PID1: variants seen among roughly 807,000 people sequenced by gnomAD.
PID1 encodes the protein PTB-containing, cubilin and LRP1-interacting protein.
PID1 carries 10 observed loss-of-function variants against 19.1 expected under a neutral mutation model. The ratio of observed to expected loss-of-function variants is 0.52; its 90% CI spans 0.32 to 0.89. The LOEUF (loss-of-function observed/expected upper bound fraction) is 0.89. PID1 is among the 40% of genes least tolerant of loss of function. The pLI is 0.03. For synonymous variants in PID1, 130 were observed against 116.0 expected, an observed-to-expected ratio of 1.12 and a Z score of -0.78; for missense variants, 248 against 285.3, an observed-to-expected ratio of 0.87 and a Z score of 0.94.
chr2:229,053,895 A>C (rs992879038), intron 2 of PID1, among the ~76,000 whole-genome samples: 4 of 152,222 alleles, frequency 2.6e-5, no homozygotes, highest in African/African-American at 9.6e-5. Flanking sequence ...GGCAGGTTTT[A>C]GAATTAAGAT....
chr2:229,120,918 T>C (rs530117062), intron 2 of PID1, among the ~76,000 whole-genome samples: 1 of 152,116 alleles, frequency 6.6e-6, no homozygotes, highest in Non-Finnish European at 1.5e-5. Context: ...TTCCTCCTCC[T>C]GTCCCTCTTT....
At chr2:229,083,189 A>T (rs1381286703) in intron 2 of PID1, among the ~76,000 whole-genome samples, 1 of 152,176 alleles carries the variant, frequency 6.6e-6, no homozygotes, top group East Asian at 1.9e-4. Context: ...CCAACTGAAC[A>T]CCTTATTTTC....
At chr2:229,146,804 G>A (rs1186389834) in intron 2 of PID1, among the ~76,000 whole-genome samples, 1 of 152,172 alleles carries the variant, frequency 6.6e-6, no homozygotes, top group African/African-American at 2.4e-5. Context: ...AGGTTTGATA[G>A]AGACAGAAGA....
chr2:229,201,422 A>G (rs1470527354), intron 1 of PID1, among the ~76,000 whole-genome samples: 1 of 152,018 alleles, frequency 6.6e-6, no homozygotes, highest in African/African-American at 2.4e-5. Flanking sequence ...TAATGCCCTC[A>G]AGGTTCATCC....
chr2:229,212,414 C>A (rs1691757867), intron 1 of PID1, among the ~76,000 whole-genome samples: 1 of 152,138 alleles, frequency 6.6e-6, no homozygotes, highest in South Asian at 2.1e-4. Flanking sequence ...AACCCAGGTT[C>A]CCATACAGCA....
chr2:229,122,805 G>A (rs78357654), intron 2 of PID1, among the ~76,000 whole-genome samples: 20,979 of 152,096 alleles, frequency 0.14, 1,812 homozygotes, highest in South Asian at 0.26. Context: ...AGTGTAGGTG[G>A]TGTGGAATGG....
intron 1 of PID1, among the ~76,000 whole-genome samples, chr2:229,265,160 T>C (rs1256856970): frequency 2.0e-5 from 3 of 152,180 alleles, no homozygotes; most frequent in Non-Finnish European, 4.4e-5. Flanking sequence ...TTTACCCAAA[T>C]GATTTCTTAT....
intron 1 of PID1, among the ~76,000 whole-genome samples, chr2:229,240,855 T>C (rs143351865): frequency 1.3e-5 from 2 of 152,258 alleles, no homozygotes; most frequent in East Asian, 3.9e-4. Flanking sequence ...ATGTATCTTA[T>C]ATTGCTTGAT....
At chr2:229,069,727 C>T (rs771340081) in intron 2 of PID1, among the ~76,000 whole-genome samples, 8 of 152,178 alleles carry the variant, frequency 5.3e-5, no homozygotes, top group Admixed American at 2.0e-4. Flanking sequence ...AAAGTAGGCA[C>T]ATGTACAAAC....
At chr2:229,095,364 T>G (rs1182661841) in intron 2 of PID1, among the ~76,000 whole-genome samples, 1 of 152,160 alleles carries the variant, frequency 6.6e-6, no homozygotes, top group Admixed American at 6.6e-5. Context: ...TAGGTAAACC[T>G]CTCTCAAATT....
At chr2:229,102,649 AG>A (rs1443441946) in intron 2 of PID1, among the ~76,000 whole-genome samples, 5 of 152,194 alleles carry the variant, frequency 3.3e-5, no homozygotes, top group African/African-American at 1.2e-4. Flanking sequence ...TCACAGAGTG[AG>A]GGCTCATTCT....
At chr2:229,187,550 T>C (rs1020165420) in intron 1 of PID1, among the ~76,000 whole-genome samples, 1 of 152,008 alleles carries the variant, frequency 6.6e-6, no homozygotes, top group African/African-American at 2.4e-5. Flanking sequence ...ACCACGAGAA[T>C]AGCATAGGAA....
At chr2:229,055,118 G>A (rs1559212533) in intron 2 of PID1, among the ~76,000 whole-genome samples, 1 of 152,154 alleles carries the variant, frequency 6.6e-6, no homozygotes, top group Non-Finnish European at 1.5e-5. Flanking sequence ...CTCAACACCT[G>A]CCATTCATCA....
chr2:229,117,920 C>A (rs932882602), intron 2 of PID1, among the ~76,000 whole-genome samples: 1 of 152,080 alleles, frequency 6.6e-6, no homozygotes, highest in East Asian at 1.9e-4. Flanking sequence ...GCTCATGGTA[C>A]CCTGTCCTTT....
chr2:229,061,879 T>C (rs1230260635), intron 2 of PID1, among the ~76,000 whole-genome samples: 2 of 152,016 alleles, frequency 1.3e-5, no homozygotes, highest in Non-Finnish European at 2.9e-5. Flanking sequence ...ATTGATTTCT[T>C]AATTTCTTTT....
chr2:229,028,562 G>A (rs553881322), intron 2 of PID1, among the ~76,000 whole-genome samples: 1 of 152,136 alleles, frequency 6.6e-6, no homozygotes, highest in Non-Finnish European at 1.5e-5. Flanking sequence ...AATACATACA[G>A]AACACCTAAA....
chr2:229,049,693 GAGGTTAACC>G (rs1173534773), intron 2 of PID1, among the ~76,000 whole-genome samples: 1 of 152,150 alleles, frequency 6.6e-6, no homozygotes, highest in African/African-American at 2.4e-5. Flanking sequence ...CAGAAATCTA[GAGGTTAACC>G]TCTTTGCACT....
At chr2:229,079,766 T>C (rs1694634490) in intron 2 of PID1, among the ~76,000 whole-genome samples, 1 of 152,130 alleles carries the variant, frequency 6.6e-6, no homozygotes, top group Non-Finnish European at 1.5e-5. Flanking sequence ...AATCCAAAGT[T>C]AAAAGAGCAG....
At chr2:229,079,198 G>A (rs1007996322) in intron 2 of PID1, among the ~76,000 whole-genome samples, 10 of 152,096 alleles carry the variant, frequency 6.6e-5, no homozygotes, top group Non-Finnish European at 2.9e-5. Flanking sequence ...GGTCTAAGTC[G>A]GGGCTGAGAA....
Sources: allele counts gnomAD v4.1 joint callset (sites outside exome capture counted in the v4.1 genomes callset), GRCh38; gene constraint gnomAD v4.1.1; transcripts MANE v1.5; gene names NCBI Gene and HGNC (gene_info 2026-07-23, HGNC 2026-07-21).